Variants in OPCML observed in about 807,000 individuals in gnomAD.
OPCML encodes the protein opioid binding protein/cell adhesion molecule like.
A neutral mutation model predicts 37.8 loss-of-function variants in OPCML; 13 were observed. That is an observed-to-expected ratio of 0.34 (90% confidence interval 0.22 to 0.55). The LOEUF (loss-of-function observed/expected upper bound fraction) is 0.55, where lower values mean the gene tolerates loss of function less well. Among genes scored for constraint, OPCML ranks in the 20% least tolerant of loss-of-function variants. OPCML has a pLI of 0.91. For synonymous variants in OPCML, 176 were observed against 168.8 expected, an observed-to-expected ratio of 1.04 and a Z score of -0.33; for missense variants, 341 against 435.6, an observed-to-expected ratio of 0.78 and a Z score of 1.93.
intron 7 of OPCML, among the ~76,000 whole-genome samples, chr11:132,428,853 C>T (rs187781380): frequency 2.0e-5 from 3 of 152,270 alleles, no homozygotes; most frequent in South Asian, 2.1e-4. Flanking sequence ...GGCTGACACT[C>T]GATAGCTGGC....
intron 1 of OPCML, among the ~76,000 whole-genome samples, chr11:133,463,211 G>A (rs1413325248): frequency 1.3e-5 from 2 of 151,630 alleles, no homozygotes; most frequent in African/African-American, 4.8e-5. Flanking sequence ...AAATGAAGAG[G>A]TAAAAAGTGG....
At chr11:133,063,174 A>G (rs543813001) in intron 1 of OPCML, among the ~76,000 whole-genome samples, 1 of 152,358 alleles carries the variant, frequency 6.6e-6, no homozygotes, top group East Asian at 1.9e-4. Context: ...TAGGGGCTCC[A>G]GTCTATAAGA....
intron 3 of OPCML, among the ~76,000 whole-genome samples, chr11:132,648,689 AATC>A (rs1235982118): frequency 2.6e-5 from 4 of 152,054 alleles, no homozygotes; most frequent in African/African-American, 9.7e-5. Context: ...CTACTGTAAA[AATC>A]ATCATCAAAC....
At chr11:132,616,469 A>C (rs913945904) in intron 3 of OPCML, among the ~76,000 whole-genome samples, 3 of 152,178 alleles carry the variant, frequency 2.0e-5, no homozygotes, top group Non-Finnish European at 4.4e-5. Flanking sequence ...CATATCTATT[A>C]CCTGTGCTAA....
rs923606109 is a variant in OPCML, at chr11:132,427,817, G to A, written c.917-7524C>T. Among the ~76,000 whole-genome samples, 9 of 152,276 alleles carry A rather than the reference G, an allele frequency of 5.9e-5. No individual in the cohort carries two copies. The Middle Eastern group carries it at 0.01, about 173-fold the overall frequency. On this transcript the variant is annotated intron_variant, in intron 7 of 7. Transcript: ENST00000524381. ...GTCAATGATTCAGAGCGAGGAGGGC[G>A]GGGTACGAGCAAACCACAAGGAACC...
At chr11:132,618,628 A>G (rs1427408813) in intron 3 of OPCML, among the ~76,000 whole-genome samples, 1 of 152,168 alleles carries the variant, frequency 6.6e-6, no homozygotes, top group East Asian at 1.9e-4. Flanking sequence ...AAACCTACCA[A>G]CTTCTTTATC....
intron 3 of OPCML, among the ~76,000 whole-genome samples, chr11:132,642,938 A>G (rs1285078750): frequency 1.3e-5 from 2 of 152,126 alleles, no homozygotes; most frequent in African/African-American, 4.8e-5. Context: ...ATATACCTCA[A>G]AATTAGAGCA....
chr11:132,973,504 C>G (rs2136762660), intron 1 of OPCML, among the ~76,000 whole-genome samples: 1 of 152,300 alleles, frequency 6.6e-6, no homozygotes. Context: ...TATAATTGCT[C>G]CAACACCTTA....
At chr11:132,928,368 C>T (rs534417788) in intron 2 of OPCML, among the ~76,000 whole-genome samples, 4 of 151,948 alleles carry the variant, frequency 2.6e-5, no homozygotes, top group Admixed American at 2.0e-4. Flanking sequence ...AGTCAAAACT[C>T]TCACAAAAAA....
At chr11:133,044,572 G>C (rs996677987) in intron 1 of OPCML, among the ~76,000 whole-genome samples, 8 of 152,208 alleles carry the variant, frequency 5.3e-5, no homozygotes, top group Admixed American at 1.3e-4. Context: ...CGTATTTATT[G>C]AATGTTTACT....
At chr11:132,585,394 A>AT (rs1591587620) in intron 3 of OPCML, among the ~76,000 whole-genome samples, 1 of 146,746 alleles carries the variant, frequency 6.8e-6, no homozygotes, top group East Asian at 2.0e-4. Context: ...TGTTTTCAGA[A>AT]TAAAAAAAGA....
At chr11:132,457,823 C>T (rs1342821898) in intron 4 of OPCML, among the ~76,000 whole-genome samples, 3 of 152,204 alleles carry the variant, frequency 2.0e-5, no homozygotes, top group Non-Finnish European at 4.4e-5. Context: ...CTATGTTATG[C>T]TCACTCAATG....
intron 7 of OPCML, among the ~76,000 whole-genome samples, chr11:132,424,323 G>T (rs904304552): frequency 6.6e-6 from 1 of 152,104 alleles, no homozygotes; most frequent in Non-Finnish European, 1.5e-5. Flanking sequence ...GTTTCACCAC[G>T]TTAGCCAGGA....
intron 2 of OPCML, among the ~76,000 whole-genome samples, chr11:132,735,222 A>C (rs1591534626): frequency 6.6e-6 from 1 of 152,340 alleles, no homozygotes; most frequent in East Asian, 1.9e-4. Flanking sequence ...GGAAACTATC[A>C]GGCAAACTTG....
intron 1 of OPCML, among the ~76,000 whole-genome samples, chr11:133,162,386 A>G (rs1950155393): frequency 6.6e-6 from 1 of 152,222 alleles, no homozygotes; most frequent in Non-Finnish European, 1.5e-5. Flanking sequence ...TTTCATTAAC[A>G]TGAAGATAAA....
Position 133,024,620 on chromosome 11 carries a change from G to A in OPCML, c.62-81610C>T, listed in dbSNP as rs1024880342. On this transcript the variant is annotated intron_variant, in intron 1 of 7. Transcript: ENST00000524381. ...TATTTAATTGCAACTTGCAAAACAT[G>A]TCAAGCAAGTCTCAGACTTTCCCTG... is the stretch of plus-strand genomic sequence containing the variant. 3.2e-6 allele frequency: 3 copies of A among 948,360 alleles called. No individual in the cohort carries two copies. The Admixed American group carries it at 1.9e-4, about 58-fold the overall frequency. The allele number at this position is 948,360 out of a possible 1,614,324, so 58.7% of individuals were successfully genotyped here.
chr11:132,526,715 A>G (rs1271708136), intron 4 of OPCML, among the ~76,000 whole-genome samples: 2 of 152,212 alleles, frequency 1.3e-5, no homozygotes, highest in Non-Finnish European at 2.9e-5. Flanking sequence ...TATTGTCTAC[A>G]TTTCGGTATA....
intron 1 of OPCML, among the ~76,000 whole-genome samples, chr11:133,397,366 G>C (rs538047102): frequency 2.0e-4 from 31 of 152,180 alleles, no homozygotes; most frequent in Non-Finnish European, 7.4e-5. Context: ...TCAATCATCC[G>C]AGAAGGATTT....
At chr11:132,771,973 A>AAC (rs1187667883) in intron 2 of OPCML, 1 of 152,252 alleles carries the variant, frequency 6.6e-6, no homozygotes, top group Non-Finnish European at 1.5e-5. Flanking sequence ...AGGAGCCAGG[A>AAC]ATAGTCCCTC....
Sources: allele counts gnomAD v4.1 joint callset (sites outside exome capture counted in the v4.1 genomes callset), GRCh38; gene constraint gnomAD v4.1.1; transcripts MANE v1.5; gene names NCBI Gene and HGNC (gene_info 2026-07-23, HGNC 2026-07-21).